LRRTM4: variants seen among roughly 807,000 people sequenced by gnomAD.
The protein encoded by LRRTM4 is leucine rich repeat transmembrane neuronal 4, also known as leucine-rich repeat transmembrane neuronal protein 4.
A neutral mutation model predicts 47.6 loss-of-function variants in LRRTM4; 25 were observed. That is an observed-to-expected ratio of 0.53 (90% CI 0.38 to 0.73). LRRTM4 has a LOEUF of 0.73. Ranked by LOEUF, LRRTM4 falls within the 30% of genes least tolerant of loss-of-function variation. LRRTM4 has a pLI of 0.00. For missense variants in LRRTM4, 638 were observed against 713.4 expected (o/e 0.89, Z 1.20); for synonymous variants, 311 against 269.5 (o/e 1.15, Z -1.51).
At chr2:77,029,065 A>AT (rs1678557048) in intron 3 of LRRTM4, among the ~76,000 whole-genome samples, 1 of 146,106 alleles carries the variant, frequency 6.8e-6, no homozygotes, top group Non-Finnish European at 1.5e-5. Flanking sequence ...ATATATATAT[A>AT]TATATAATAT....
At chr2:77,068,860 G>A (rs942937110) in intron 3 of LRRTM4, among the ~76,000 whole-genome samples, 2 of 152,184 alleles carry the variant, frequency 1.3e-5, no homozygotes, top group African/African-American at 2.4e-5. Flanking sequence ...TGGGTTTACC[G>A]GAATGAGGGC....
chr2:77,384,241 T>A (rs935403065), intron 3 of LRRTM4, among the ~76,000 whole-genome samples: 9 of 151,782 alleles, frequency 5.9e-5, no homozygotes, highest in African/African-American at 1.7e-4. Context: ...TTTTTAAAAA[T>A]TCACTAAACA....
chr2:76,776,608 T>G (rs1370058501), intron 3 of LRRTM4, among the ~76,000 whole-genome samples: 1 of 152,150 alleles, frequency 6.6e-6, no homozygotes, highest in African/African-American at 2.4e-5. Context: ...TAGGGTTGTT[T>G]GTTTTTTTCT....
At chr2:76,999,113 G>T (rs1298434938) in intron 3 of LRRTM4, among the ~76,000 whole-genome samples, 1 of 151,960 alleles carries the variant, frequency 6.6e-6, no homozygotes, top group Non-Finnish European at 1.5e-5. Context: ...GAGGGGTAGT[G>T]TGTGTGCATC....
intron 3 of LRRTM4, among the ~76,000 whole-genome samples, chr2:77,086,480 T>TA: frequency 6.7e-6 from 1 of 150,312 alleles, no homozygotes; most frequent in African/African-American, 2.5e-5. Context: ...ATAATAATTT[T>TA]TTTTTTTTTT....
At chr2:76,947,912 G>T (rs574341981) in intron 3 of LRRTM4, among the ~76,000 whole-genome samples, 52 of 151,940 alleles carry the variant, frequency 3.4e-4, no homozygotes, top group East Asian at 9.7e-4. Flanking sequence ...AAATCAAAAA[G>T]AAATTAGAAG....
chr2:77,007,164 A>AT (rs1677685936), intron 3 of LRRTM4, among the ~76,000 whole-genome samples: 1 of 151,798 alleles, frequency 6.6e-6, no homozygotes, highest in Non-Finnish European at 1.5e-5. Flanking sequence ...ATATATATAT[A>AT]TACACACACA....
chr2:77,004,480 T>G (rs1386838040), intron 3 of LRRTM4, among the ~76,000 whole-genome samples: 1 of 152,136 alleles, frequency 6.6e-6, no homozygotes, highest in African/African-American at 2.4e-5. Context: ...TTTGTGAACC[T>G]TTGCCTAGAT....
intron 3 of LRRTM4, among the ~76,000 whole-genome samples, chr2:77,343,223 C>T (rs771422505): frequency 4.0e-5 from 6 of 151,894 alleles, no homozygotes; most frequent in East Asian, 1.9e-4. Flanking sequence ...TATTTTTTTC[C>T]GTAGAAAATG....
intron 3 of LRRTM4, among the ~76,000 whole-genome samples, chr2:77,097,619 T>A (rs931872891): frequency 6.6e-6 from 1 of 151,956 alleles, no homozygotes; most frequent in South Asian, 2.1e-4. Flanking sequence ...AGAAGTCATA[T>A]TGGAAATTAG....
chr2:77,133,674 A>G (rs1039821431), intron 3 of LRRTM4, among the ~76,000 whole-genome samples: 1 of 152,210 alleles, frequency 6.6e-6, no homozygotes, highest in East Asian at 1.9e-4. Flanking sequence ...GATGAAATAA[A>G]TAACTTATCT....
rs557274706 is a variant in LRRTM4, at chr2:76,988,115, A to G, written c.1552-239199T>C. Reference sequence around the variant, plus strand: ...CTTCTATCAACTTTCATCTGCCTCTATAATTAGTTCTAATCATTACTATGG... The same window carrying G: ...CTTCTATCAACTTTCATCTGCCTCTGTAATTAGTTCTAATCATTACTATGG... On this transcript the variant is annotated intron_variant, in intron 3 of 3. Coordinates refer to ENST00000409884, the MANE Select transcript of LRRTM4 (RefSeq NM_001134745.3). Among the ~76,000 whole-genome samples the G allele has an allele frequency of 3.3e-5, 5 of 151,892 alleles. No homozygotes were observed. In the South Asian group the frequency reaches 1.0e-3, roughly 31 times the overall value.
At chr2:77,328,500 C>T (rs1235995848) in intron 3 of LRRTM4, among the ~76,000 whole-genome samples, 1 of 152,188 alleles carries the variant, frequency 6.6e-6, no homozygotes, top group East Asian at 1.9e-4. Context: ...CTCATTGTCT[C>T]ATCCTCATCC....
intron 3 of LRRTM4, among the ~76,000 whole-genome samples, chr2:77,378,785 C>T (rs997846671): frequency 6.6e-6 from 1 of 152,076 alleles, no homozygotes; most frequent in African/African-American, 2.4e-5. Context: ...TCAGTGTTCT[C>T]ATGTGCACAA....
chr2:77,000,208 G>A (rs1185393128), intron 3 of LRRTM4, among the ~76,000 whole-genome samples: 1 of 152,048 alleles, frequency 6.6e-6, no homozygotes, highest in Non-Finnish European at 1.5e-5. Context: ...AGCCTGTGGG[G>A]ACAGCTGGAC....
chr2:77,462,994 T>A (rs1003303069), intron 3 of LRRTM4, among the ~76,000 whole-genome samples: 8 of 152,094 alleles, frequency 5.3e-5, no homozygotes, highest in Non-Finnish European at 1.5e-5. Flanking sequence ...GATTAATTAT[T>A]TGATTCTATC....
chr2:76,993,803 T>G lies in LRRTM4; in HGVS notation c.1552-244887A>C, dbSNP rs188391013. On this transcript the variant is annotated intron_variant, in intron 3 of 3. Coordinates refer to ENST00000409884, the MANE Select transcript of LRRTM4 (RefSeq NM_001134745.3). ...TGTTCTACCAAAAAGACACACGCCC[T>G]TGTAAGTTTATTGAAGCACCATTCA... is the stretch of plus-strand genomic sequence containing the variant. 2.0e-5 allele frequency among the ~76,000 whole-genome samples: 3 copies of G among 152,052 alleles called. No homozygotes were observed. The East Asian group carries it at 5.8e-4, about 29-fold the overall frequency.
At chr2:77,217,052 G>A (rs1573090449) in intron 3 of LRRTM4, among the ~76,000 whole-genome samples, 4 of 144,008 alleles carry the variant, frequency 2.8e-5, no homozygotes, top group Admixed American at 6.9e-5. Context: ...CAGCCTGGGC[G>A]ACAGAGTGAG....
Position 77,077,421 on chromosome 2 carries a change from T to C in LRRTM4, c.1552-328505A>G, listed in dbSNP as rs573092325. On this transcript the variant is annotated intron_variant, in intron 3 of 3. Coordinates refer to ENST00000409884, the MANE Select transcript of LRRTM4 (RefSeq NM_001134745.3). ...TAGTACAAGTCAGACATATTAGAGA[T>C]ATTTTCAAGTTCTTCCAGGAAACAT... is the stretch of plus-strand genomic sequence containing the variant. Among the ~76,000 whole-genome samples, 3 of 152,284 alleles carry C rather than the reference T, an allele frequency of 2.0e-5. No individual in the cohort carries two copies. In the East Asian group the frequency reaches 5.8e-4, roughly 29 times the overall value.
Sources: gnomAD v4.1 joint callset for allele counts (sites outside exome capture counted in the v4.1 genomes callset) on GRCh38, gnomAD v4.1.1 for gene constraint, MANE v1.5 for transcripts, NCBI Gene and HGNC (gene_info 2026-07-23, HGNC 2026-07-21) for gene names.